ADORA2A: variants seen among roughly 807,000 people sequenced by gnomAD.
The protein encoded by ADORA2A is adenosine A2a receptor, also known as adenosine receptor A2a.
ADORA2A carries 11 observed loss-of-function variants against 18.4 expected under a neutral mutation model. The ratio of observed to expected loss-of-function variants is 0.60; its 90% CI spans 0.38 to 0.99. The LOEUF (loss-of-function observed/expected upper bound fraction) is 0.99. Among genes scored for constraint, ADORA2A ranks in the 50% least tolerant of loss-of-function variants. The pLI is 0.01. For synonymous variants in ADORA2A, 218 were observed against 237.3 expected, an observed-to-expected ratio of 0.92 and a Z score of 0.75; for missense variants, 449 against 556.1, an observed-to-expected ratio of 0.81 and a Z score of 1.94.
intron 2 of ADORA2A, 67 bp from the exon 3 acceptor site, chr22:24,440,516 G>T: frequency 1.4e-6 from 2 of 1,470,536 alleles, no homozygotes; most frequent in Non-Finnish European, 9.2e-7. Context: ...CTGCTCTGGG[G>T]TTCTGAACTC....
upstream of ADORA2A, chr22:24,423,891 A>G (rs2042887205): frequency 6.6e-6 from 1 of 151,836 alleles, no homozygotes. Context: ...GGCGCCCGTG[A>G]GCGGCGCGGC....
intron 2 of ADORA2A, among the ~76,000 whole-genome samples, chr22:24,437,541 GAA>G (rs913353794): frequency 2.7e-5 from 4 of 147,460 alleles, no homozygotes; most frequent in Non-Finnish European, 4.5e-5. Context: ...TGCAATTTAA[GAA>G]AAAAAAAAGT....
Position 24,441,478 on chromosome 22 carries a change from GGA to G in ADORA2A, c.1230_1231del (p.Ser412LeufsTer36), listed in dbSNP as rs756533604. On this transcript the variant is annotated frameshift_variant, in exon 3 of 3. Coordinates refer to ENST00000337539, the MANE Select transcript of ADORA2A (RefSeq NM_000675.6). LOFTEE classifies it high-confidence loss of function. The part of the protein sequence containing the change: ...LDDPLAQDGA[G>X]VS ...TGACCCCCTGGCCCAGGATGGAGCAGGAGTGTCCTGATGATTCATGGAGTTTG... is the reference window on the plus strand; with the variant it reads ...TGACCCCCTGGCCCAGGATGGAGCAGGTGTCCTGATGATTCATGGAGTTTG... The G allele has an allele frequency of 2.0e-6, 3 of 1,512,874 alleles. No individual in the cohort carries two copies. The highest frequency in any genetic ancestry group is 2.7e-6 in the Non-Finnish European group (3 of 1,131,774). The allele number at this position is 1,512,874 out of a possible 1,614,324, so 93.7% of individuals were successfully genotyped here.
Position 24,433,714 on chromosome 22 carries a change from A to G in ADORA2A, c.310A>G (p.Ile104Val). ...SLLAIAIDRY[I>V]AIRIPLRYNG... ...CCTGGCCATCGCCATTGACCGCTAC[A>G]TTGCCATCCGCATCCCGCTCCGGTG... Residue 104 changes from isoleucine to valine, a missense_variant, in exon 2 of 3, where the codon ATT becomes GTT. Coordinates refer to ENST00000337539, the MANE Select transcript of ADORA2A (RefSeq NM_000675.6). 1.9e-6 allele frequency: 3 copies of G among 1,608,122 alleles called. No individual in the cohort carries two copies. The highest frequency in any genetic ancestry group is 2.5e-6 in the Non-Finnish European group (3 of 1,179,930).
upstream of ADORA2A, among the ~76,000 whole-genome samples, chr22:24,425,489 C>T (rs1047510186): frequency 6.6e-6 from 1 of 152,232 alleles, no homozygotes; most frequent in African/African-American, 2.4e-5. Flanking sequence ...TCAGGCAAAT[C>T]CCAGCCACTA....
intron 2 of ADORA2A, among the ~76,000 whole-genome samples, chr22:24,436,424 C>G (rs1306817210): frequency 1.3e-5 from 2 of 152,158 alleles, no homozygotes; most frequent in African/African-American, 4.8e-5. Flanking sequence ...AAAAAGAACT[C>G]AGTTTTGGAA....
intron 2 of ADORA2A, among the ~76,000 whole-genome samples, chr22:24,440,331 C>T (rs1479798957): frequency 2.6e-5 from 4 of 152,274 alleles, no homozygotes; most frequent in Non-Finnish European, 5.9e-5. Flanking sequence ...CAATGACCAT[C>T]TGGGCATTTG....
At chr22:24,435,295 G>A (rs982789705) in intron 2 of ADORA2A, among the ~76,000 whole-genome samples, 9 of 152,212 alleles carry the variant, frequency 5.9e-5, no homozygotes, top group Non-Finnish European at 1.2e-4. Context: ...CGGAGGCCCA[G>A]GAGGGGCCCT....
chr22:24,429,938 G>T (rs1270349136), intron 1 of ADORA2A: 1 of 152,300 alleles, frequency 6.6e-6, no homozygotes, highest in Non-Finnish European at 1.5e-5. Context: ...CGACACATTA[G>T]TAGCTTGAAA....
chr22:24,436,465 T>C (rs536926105), intron 2 of ADORA2A, among the ~76,000 whole-genome samples: 6 of 152,300 alleles, frequency 3.9e-5, no homozygotes, highest in Admixed American at 2.6e-4. Context: ...TCAGGGAACC[T>C]GTTGGGCTAG....
At position 24,441,468 on chromosome 22, in the gene ADORA2A, G is replaced by C. The variant is rs200047796; in HGVS notation, c.1218G>C (p.Gln406His). ...EPPGLDDPLA[Q>H]DGAGVS Reference sequence around the variant, plus strand: ...CTGGCCTAGATGACCCCCTGGCCCAGGATGGAGCAGGAGTGTCCTGATGAT... The same window carrying C: ...CTGGCCTAGATGACCCCCTGGCCCACGATGGAGCAGGAGTGTCCTGATGAT... Residue 406 changes from glutamine to histidine, a missense_variant, in exon 3 of 3, where the codon CAG (glutamine) becomes CAC (histidine). Coordinates refer to ENST00000337539, the MANE Select transcript of ADORA2A (RefSeq NM_000675.6). The C allele has an allele frequency of 5.3e-6, 8 of 1,517,828 alleles. No individual in the cohort carries two copies. The highest frequency in any genetic ancestry group is 7.0e-6 in the Non-Finnish European group (8 of 1,135,006). The allele number at this position is 1,517,828 out of a possible 1,614,324, so 94.0% of individuals were successfully genotyped here.
At chr22:24,431,385 C>A (rs1289034400) in intron 1 of ADORA2A, 2 of 456,722 alleles carry the variant, frequency 4.4e-6, no homozygotes, top group East Asian at 1.4e-4. Flanking sequence ...CCGTGCCAAT[C>A]CTGTTCCAGC....
In ADORA2A at chr22:24,441,069, C is replaced by T. The variant is rs2043327219; in HGVS notation, c.819C>T (p.Ala273=). The T allele has an allele frequency of 1.9e-6, 3 of 1,614,056 alleles. No individual in the cohort carries two copies. Among genetic ancestry groups the T allele is most frequent in the Non-Finnish European group, 2.5e-6 (3 of 1,180,052 alleles). ...CCCCTCTCTGGCTCATGTACCTGGC[C>T]ATCGTCCTCTCCCACACCAATTCGG... The part of the protein sequence containing the change: ...SHAPLWLMYL[A]IVLSHTNSVV... The change falls in exon 3 of 3, where the codon GCC becomes GCT. Residue 273 remains alanine, a synonymous_variant. Coordinates refer to ENST00000337539, the MANE Select transcript of ADORA2A (RefSeq NM_000675.6).
Position 24,441,568 on chromosome 22 carries a change from A to G in ADORA2A, c.*79A>G, listed in dbSNP as rs1179361500. 2.2e-6 allele frequency: 3 copies of G among 1,373,858 alleles called. No individual in the cohort carries two copies. Among genetic ancestry groups the G allele is most frequent in the Non-Finnish European group, 2.9e-6 (3 of 1,050,598 alleles). The allele number at this position is 1,373,858 out of a possible 1,614,324, so 85.1% of individuals were successfully genotyped here. A position where few individuals can be genotyped will look rare whatever the true frequency, so the allele number is the denominator to read the frequency against. The stretch of plus-strand genomic sequence containing the variant: ...TGGCTTGACCAGTCACGTTGGGAGA[A>G]GAGAGAGAGTGCCAGGAGACCCTGA... On this transcript the variant is annotated 3_prime_UTR_variant, in exon 3 of 3. Transcript: ENST00000337539.
At chr22:24,429,889 T>C (rs960198282) in intron 1 of ADORA2A, 15 of 152,448 alleles carry the variant, frequency 9.8e-5, no homozygotes, top group African/African-American at 3.6e-4. Context: ...ACTGGCATCG[T>C]GGCCAGCTGA....
intron 1 of ADORA2A, chr22:24,430,788 G>A: frequency 3.3e-6 from 1 of 301,020 alleles, no homozygotes; most frequent in Non-Finnish European, 6.6e-6. Context: ...TTGGCAGAAG[G>A]CTGTGGCATC....
chr22:24,431,239 T>C (rs2043027428), intron 1 of ADORA2A: 4 of 456,664 alleles, frequency 8.8e-6, no homozygotes, highest in South Asian at 6.2e-5. Context: ...AGGCCCTCCG[T>C]TGCTGCAGGG....
upstream of ADORA2A, among the ~76,000 whole-genome samples, chr22:24,426,755 C>T (rs1352347940): frequency 4.6e-5 from 7 of 152,108 alleles, no homozygotes; most frequent in African/African-American, 1.4e-4. Context: ...GCAGCTGCCC[C>T]TCGTCCCAGC....
chr22:24,424,809 C>T (rs1003698876), upstream of ADORA2A, among the ~76,000 whole-genome samples: 21 of 152,026 alleles, frequency 1.4e-4, no homozygotes, highest in African/African-American at 5.1e-4. The surrounding 1 kb of genome is among the most constrained non-coding windows in gnomAD (Gnocchi z 4.9). Context: ...TGGCGCAAGG[C>T]GGCCCAAGGG....
Sources: gnomAD v4.1 joint callset for allele counts (sites outside exome capture counted in the v4.1 genomes callset) on GRCh38, gnomAD v4.1.1 for gene constraint, Gnocchi (gnomAD v3.1) non-coding constraint, MANE v1.5 for transcripts, NCBI Gene and HGNC (gene_info 2026-07-23, HGNC 2026-07-21) for gene names.